The following ATP9A variants were observed in gnomAD, a reference collection of about 807,000 sequenced individuals.
ATP9A encodes ATPase phospholipid transporting 9A, also known as probable phospholipid-transporting ATPase IIA.
A neutral mutation model predicts 144.1 loss-of-function variants in ATP9A; 52 were observed. That is an observed-to-expected ratio of 0.36 (90% confidence interval 0.29 to 0.45). The LOEUF (loss-of-function observed/expected upper bound fraction) is 0.45, where lower values mean the gene tolerates loss of function less well. Ranked by LOEUF, ATP9A falls within the 20% of genes least tolerant of loss-of-function variation. The pLI is 1.00. For missense variants in ATP9A, 947 were observed against 1,392.7 expected (o/e 0.68, Z 5.09); for synonymous variants, 582 against 557.4 (o/e 1.04, Z -0.62).
chr20:51,663,080 AC>A (rs1463686124), intron 13 of ATP9A, among the ~76,000 whole-genome samples: 2 of 152,136 alleles, frequency 1.3e-5, no homozygotes, highest in African/African-American at 4.8e-5. Flanking sequence ...TCAAAAAAAA[AC>A]ATTTTTAAAA....
At chr20:51,661,714 C>T (rs1042902556) in intron 13 of ATP9A, among the ~76,000 whole-genome samples, 1 of 151,904 alleles carries the variant, frequency 6.6e-6, no homozygotes, top group Non-Finnish European at 1.5e-5. Flanking sequence ...TATGATAACC[C>T]TAACTAACCT....
intron 9 of ATP9A, among the ~76,000 whole-genome samples, chr20:51,687,965 A>T (rs2077530919): frequency 6.6e-6 from 1 of 152,170 alleles, no homozygotes. Flanking sequence ...TGATATCACG[A>T]AATGTAAGAA....
intron 1 of ATP9A, among the ~76,000 whole-genome samples, chr20:51,755,101 GA>G (rs2077850075): frequency 6.6e-6 from 1 of 152,016 alleles, no homozygotes; most frequent in Non-Finnish European, 1.5e-5. Flanking sequence ...CTGGGCAAAA[GA>G]GTGAGACTCT....
At chr20:51,688,989 G>T in intron 9 of ATP9A, 75 bp downstream of exon 9, 1 of 1,488,352 alleles carries the variant, frequency 6.7e-7, no homozygotes, top group Non-Finnish European at 9.4e-7. Flanking sequence ...CCAACTGACA[G>T]ATGATTATTC....
chr20:51,606,312 G>T (rs1568781835), intron 26 of ATP9A, among the ~76,000 whole-genome samples: 1 of 152,192 alleles, frequency 6.6e-6, no homozygotes, highest in Non-Finnish European at 1.5e-5. Flanking sequence ...AGTTATATAT[G>T]TGTACCTGTC....
At chr20:51,645,565 G>C (rs1160980061) in intron 14 of ATP9A, among the ~76,000 whole-genome samples, 3 of 152,044 alleles carry the variant, frequency 2.0e-5, no homozygotes, top group South Asian at 2.1e-4. Flanking sequence ...AACGTTCTCA[G>C]TCTCTTTGGG....
chr20:51,693,553 G>A (rs1383220245), intron 7 of ATP9A, among the ~76,000 whole-genome samples: 4 of 152,140 alleles, frequency 2.6e-5, no homozygotes, highest in East Asian at 1.9e-4. Context: ...TTAGATACAG[G>A]TGTCACTATG....
At chr20:51,622,275 T>G (rs2077230147) in intron 18 of ATP9A, 103 bp from the exon 19 acceptor site, 3 of 933,472 alleles carry the variant, frequency 3.2e-6, no homozygotes, top group Admixed American at 1.9e-5. Context: ...ACTTGGTATG[T>G]TCCGTTTACC....
intron 1 of ATP9A, among the ~76,000 whole-genome samples, chr20:51,765,508 G>T (rs771510972): frequency 1.3e-5 from 2 of 150,058 alleles, no homozygotes; most frequent in Non-Finnish European, 3.0e-5. Context: ...TACAAAATTT[G>T]CCGGGCATGG....
At chr20:51,690,480 C>T (rs191101113) in intron 8 of ATP9A, among the ~76,000 whole-genome samples, 117 of 152,260 alleles carry the variant, frequency 7.7e-4, no homozygotes, top group African/African-American at 2.6e-3. Flanking sequence ...CTCTTTCAGA[C>T]GCCAGCGTTC....
At chr20:51,634,711 C>T (rs1275647574) in intron 15 of ATP9A, among the ~76,000 whole-genome samples, 7 of 151,826 alleles carry the variant, frequency 4.6e-5, no homozygotes, top group Non-Finnish European at 7.4e-5. Context: ...CGAAATTAGC[C>T]GGGCATGGTA....
intron 1 of ATP9A, among the ~76,000 whole-genome samples, chr20:51,761,597 T>C (rs370004731): frequency 8.4e-4 from 128 of 151,854 alleles, no homozygotes; most frequent in African/African-American, 2.9e-3. Flanking sequence ...CCGTCTCTAA[T>C]AAAATACAAA....
Position 51,618,698 on chromosome 20 carries a change from G to A in ATP9A, c.2314C>T (p.Leu772Phe), listed in dbSNP as rs1222117393. The A allele has an allele frequency of 6.2e-7, 1 of 1,613,524 alleles. No homozygotes were observed. The highest frequency in any genetic ancestry group is 1.1e-5 in the South Asian group (1 of 91,038). The change falls in exon 21 of 28, where the codon CTT becomes TTT. Residue 772 changes from leucine (L) to phenylalanine (F), a missense_variant. Transcript: ENST00000338821. ...PTQKAQIVRLLQERTGKLTCA... is the reference protein window; with the variant it reads ...PTQKAQIVRLFQERTGKLTCA... ...GTGAGCTTGCCCGTGCGCTCCTGAA[G>A]CAGGCGCACGATCTGGGCCTTCTGG...
At position 51,705,100 on chromosome 20, in the gene ATP9A, T is replaced by A. The variant is rs1343529900; in HGVS notation, c.437-7618A>T. ...AGCTTATACTTTGAAACATAAGTAG[T>A]ACTTGGGTTTAGGAATATAAAGTTT... On this transcript the variant is annotated intron_variant, in intron 4 of 27. Coordinates refer to ENST00000338821, the MANE Select transcript of ATP9A (RefSeq NM_006045.3). Among the ~76,000 whole-genome samples, 8 of 152,362 alleles carry A rather than the reference T, an allele frequency of 5.3e-5. No individual in the cohort carries two copies. The East Asian group carries it at 1.5e-3, about 29-fold the overall frequency.
intron 1 of ATP9A, among the ~76,000 whole-genome samples, chr20:51,742,990 C>T (rs1286481507): frequency 2.0e-5 from 3 of 152,198 alleles, no homozygotes; most frequent in Admixed American, 6.5e-5. Flanking sequence ...GCACCCAGAA[C>T]CATTGCCTGC....
chr20:51,677,873 T>C (rs2077483799), intron 9 of ATP9A, among the ~76,000 whole-genome samples: 1 of 152,178 alleles, frequency 6.6e-6, no homozygotes, highest in Non-Finnish European at 1.5e-5. Context: ...ATCATTTTTA[T>C]CCCAATTAGA....
chr20:51,767,576 C>T (rs2077910727), intron 1 of ATP9A, among the ~76,000 whole-genome samples: 1 of 152,252 alleles, frequency 6.6e-6, no homozygotes, highest in Non-Finnish European at 1.5e-5. Flanking sequence ...CGCGCCTAAG[C>T]TGCCCTCGGG....
chr20:51,687,271 C>A (rs574597660), intron 9 of ATP9A, among the ~76,000 whole-genome samples: 93 of 152,054 alleles, frequency 6.1e-4, no homozygotes, highest in African/African-American at 8.0e-4. Context: ...AGAGACGTAC[C>A]AAAGTATGAT....
intron 4 of ATP9A, among the ~76,000 whole-genome samples, chr20:51,711,015 A>G (rs2077636290): frequency 6.6e-6 from 1 of 152,134 alleles, no homozygotes; most frequent in Non-Finnish European, 1.5e-5. Flanking sequence ...AGAATATGTT[A>G]TTAAGGGAGG....
Sources: allele counts gnomAD v4.1 joint callset (sites outside exome capture counted in the v4.1 genomes callset), GRCh38; gene constraint gnomAD v4.1.1; transcripts MANE v1.5; gene names NCBI Gene and HGNC (gene_info 2026-07-23, HGNC 2026-07-21).